Variants in ZNF577 observed in about 807,000 individuals in gnomAD.
ZNF577 encodes the protein zinc finger protein 577.
ZNF577 carries 14 observed loss-of-function variants against 13.9 expected under a neutral mutation model. The observed-to-expected ratio is 1.00, with a 90% CI of 0.66 to 1.57. The LOEUF (loss-of-function observed/expected upper bound fraction) is 1.57. Among genes scored for constraint, ZNF577 ranks in the 40% most tolerant of loss-of-function variants. ZNF577 has a pLI of 0.00. For missense variants in ZNF577, 555 were observed against 579.2 expected (o/e 0.96, Z 0.43); for synonymous variants, 203 against 202.9 (o/e 1.00, Z 0.00).
chr19:51,862,259 T>C (rs2084511257), downstream of ZNF577: 2 of 153,336 alleles, frequency 1.3e-5, 1 homozygote, highest in Middle Eastern at 3.3e-3. Context: ...CTCTGATGTA[T>C]AACAAAGTTT....
intron 5 of ZNF577, among the ~76,000 whole-genome samples, chr19:51,849,930 TTTA>T (rs1294928894): frequency 1.3e-5 from 2 of 152,216 alleles, no homozygotes. Context: ...GAAGTTCCAT[TTTA>T]TTATGCTAAG....
chr19:51,849,482 C>G (rs1377202915), intron 5 of ZNF577, among the ~76,000 whole-genome samples: 2 of 152,164 alleles, frequency 1.3e-5, no homozygotes, highest in African/African-American at 4.8e-5. Context: ...AGGTTCACCC[C>G]CTTCTGCCTT....
At chr19:51,815,163 G>A (rs2084126148) in intron 9 of ZNF577, among the ~76,000 whole-genome samples, 2 of 152,102 alleles carry the variant, frequency 1.3e-5, no homozygotes, top group Admixed American at 1.3e-4. Flanking sequence ...ATAGGCTCAG[G>A]TTAGGGCTGA....
In ZNF577 at chr19:51,878,534, T is replaced by C; in HGVS notation, c.61-19A>G. The C allele has an allele frequency of 6.2e-7, 1 of 1,613,408 alleles. No individual in the cohort carries two copies. Among genetic ancestry groups the C allele is most frequent in the Non-Finnish European group, 8.5e-7 (1 of 1,179,558 alleles). On this transcript the variant is annotated intron_variant, in intron 3 of 5. Transcript: ENST00000638348. ...ATGACCCCTATAATAACAATTCCAATGCAATCTGAGGTGGATAACAATAGA... is the reference window on the plus strand; with the variant it reads ...ATGACCCCTATAATAACAATTCCAACGCAATCTGAGGTGGATAACAATAGA...
chr19:51,824,319 T>C lies in ZNF577; in HGVS notation c.*600-12645A>G. 3 of 1,614,118 alleles carry C rather than the reference T, an allele frequency of 1.9e-6. No individual in the cohort carries two copies. The highest frequency in any genetic ancestry group is 2.5e-6 in the Non-Finnish European group (3 of 1,179,994). ...CTGGGGTGACACTGCTGTAGAGAGG[T>C]TGAACGTGTTCATTACCATGGCCAA... On this transcript the variant is annotated intron_variant and NMD_transcript_variant, in intron 9 of 10. Transcript: ENST00000638827. This position sits in a 1 kb window ranked among gnomAD's most constrained non-coding sequence, Gnocchi z 4.7.
intron 3 of ZNF577, among the ~76,000 whole-genome samples, chr19:51,879,586 T>A (rs2084828145): frequency 6.6e-6 from 1 of 152,100 alleles, no homozygotes. Context: ...AGAAAAAAAG[T>A]AATAATATTT....
At chr19:51,806,293 T>A (rs1439890002) in intron 10 of ZNF577, among the ~76,000 whole-genome samples, 2 of 152,160 alleles carry the variant, frequency 1.3e-5, no homozygotes, top group Non-Finnish European at 2.9e-5. Context: ...ACATGGCTTG[T>A]CAATCTCCTG....
At chr19:51,814,471 C>T (rs2084119776) in intron 9 of ZNF577, among the ~76,000 whole-genome samples, 1 of 145,824 alleles carries the variant, frequency 6.9e-6, no homozygotes, top group African/African-American at 2.6e-5. Flanking sequence ...TGCCTCACCT[C>T]TCAAGGTTTT....
At position 51,871,257 on chromosome 19, in the gene ZNF577, C is replaced by A. The variant is rs943831633; in HGVS notation, c.*1275G>T. ...CCTCCCAAGTAGCTGGGACTATAGG[C>A]ACACACCACCATGTCCAGCTATTAT... On this transcript the variant is annotated 3_prime_UTR_variant, in exon 6 of 6. Coordinates refer to ENST00000638348, the MANE Select transcript of ZNF577 (RefSeq NM_001370449.1). 7.2e-5 allele frequency: 11 copies of A among 151,764 alleles called. No homozygotes were observed. Among genetic ancestry groups the A allele is most frequent in the Non-Finnish European group, 1.3e-4 (9 of 68,000 alleles). 9.4% of individuals were successfully genotyped at this position (151,764 alleles called of 1,614,324 possible).
At chr19:51,856,982 G>A (rs1012292621) in intron 5 of ZNF577, among the ~76,000 whole-genome samples, 2 of 152,126 alleles carry the variant, frequency 1.3e-5, no homozygotes, top group Non-Finnish European at 2.9e-5. Context: ...GTAGACACCA[G>A]CTCCAACCAT....
intron 9 of ZNF577, among the ~76,000 whole-genome samples, chr19:51,829,104 C>A (rs1461913364): frequency 6.6e-6 from 1 of 152,102 alleles, no homozygotes; most frequent in Non-Finnish European, 1.5e-5. Context: ...AGTGAGCTGG[C>A]CAGTATGGTG....
intron 9 of ZNF577, chr19:51,825,834 T>A (rs575832764): frequency 1.2e-5 from 2 of 167,112 alleles, no homozygotes; most frequent in East Asian, 3.9e-4. Context: ...TAAGTGGAAG[T>A]GGGAAAAGAG....
intron 5 of ZNF577, chr19:51,860,802 T>A (rs768120608): frequency 1.0e-5 from 3 of 296,182 alleles, no homozygotes; most frequent in African/African-American, 2.3e-5. Context: ...AGATAAACAT[T>A]AACTGGGAAG....
rs907853762 is a variant in ZNF577, at chr19:51,869,011, C to G, written c.*3521G>C. Among the ~76,000 whole-genome samples, 4 of 151,834 alleles carry G rather than the reference C, an allele frequency of 2.6e-5. No homozygotes were observed. Among genetic ancestry groups the G allele is most frequent in the Non-Finnish European group, 5.9e-5 (4 of 68,048 alleles). ...GGACACAATGCACTGCGGAAGGCCG[C>G]AGGGACCTCTGCCCAAGAAAGCCTG... On this transcript the variant is annotated 3_prime_UTR_variant, in exon 6 of 6. Transcript: ENST00000638348.
intron 9 of ZNF577, chr19:51,825,442 G>A (rs930199852): frequency 1.8e-5 from 3 of 166,660 alleles, no homozygotes; most frequent in Admixed American, 1.3e-4. Context: ...ATCCTCTCTG[G>A]GGAGGGTCTT....
chr19:51,870,383 A>C lies in ZNF577; in HGVS notation c.*2149T>G, dbSNP rs576312560. Among the ~76,000 whole-genome samples, 9 of 152,208 alleles carry C rather than the reference A, an allele frequency of 5.9e-5. No homozygotes were observed. In the South Asian group the frequency reaches 1.9e-3, roughly 32 times the overall value. On this transcript the variant is annotated 3_prime_UTR_variant, in exon 6 of 6. Coordinates refer to ENST00000638348, the MANE Select transcript of ZNF577 (RefSeq NM_001370449.1). The stretch of plus-strand genomic sequence containing the variant: ...TTTGGAAAATTGCTAACTTACTTGG[A>C]AAGTATGGCCTTTTCATGGCTTGCA...
downstream of ZNF577, chr19:51,863,060 A>G (rs2084520997): frequency 6.6e-6 from 1 of 152,284 alleles, no homozygotes; most frequent in South Asian, 2.1e-4. Context: ...GCTTTTTGAC[A>G]TTGATTGCAT....
chr19:51,818,797 G>A (rs896693199), intron 9 of ZNF577, among the ~76,000 whole-genome samples: 10 of 152,148 alleles, frequency 6.6e-5, no homozygotes, highest in Non-Finnish European at 1.3e-4. Context: ...GGATACACAA[G>A]ACAAATCTCA....
intron 9 of ZNF577, among the ~76,000 whole-genome samples, chr19:51,830,669 C>A (rs914081287): frequency 6.6e-6 from 1 of 152,096 alleles, no homozygotes; most frequent in African/African-American, 2.4e-5. Flanking sequence ...ATATATAATT[C>A]TCTTGGTGAC....
Sources: gnomAD v4.1 joint callset for allele counts (sites outside exome capture counted in the v4.1 genomes callset) on GRCh38, gnomAD v4.1.1 for gene constraint, Gnocchi (gnomAD v3.1) non-coding constraint, MANE v1.5 for transcripts, NCBI Gene and HGNC (gene_info 2026-07-23, HGNC 2026-07-21) for gene names.